The following TEKT5 variants were observed in gnomAD, a reference collection of about 807,000 sequenced individuals.
The protein encoded by TEKT5 is tektin 5.
A neutral mutation model predicts 48.7 loss-of-function variants in TEKT5; 52 were observed. The ratio of observed to expected loss-of-function variants is 1.07; its 90% CI spans 0.86 to 1.35. TEKT5 has a LOEUF of 1.35. Among genes scored for constraint, TEKT5 ranks in the 40% most tolerant of loss-of-function variants. TEKT5 has a pLI of 0.00. For synonymous variants in TEKT5, 318 were observed against 267.6 expected, an observed-to-expected ratio of 1.19 and a Z score of -1.84; for missense variants, 831 against 641.6, an observed-to-expected ratio of 1.30 and a Z score of -3.19.
intron 5 of TEKT5, among the ~76,000 whole-genome samples, chr16:10,656,165 G>T (rs1898258133): frequency 6.6e-6 from 1 of 152,168 alleles, no homozygotes; most frequent in Non-Finnish European, 1.5e-5. Flanking sequence ...CACTTCCAGT[G>T]TGACAACCAA....
intron 5 of TEKT5, among the ~76,000 whole-genome samples, chr16:10,657,083 C>T (rs1328296634): frequency 1.3e-5 from 2 of 150,032 alleles, no homozygotes; most frequent in Non-Finnish European, 3.0e-5. Flanking sequence ...GATTGATGGA[C>T]AATTAGTTGT....
intron 4 of TEKT5, among the ~76,000 whole-genome samples, chr16:10,681,654 G>A (rs1418845695): frequency 6.6e-6 from 1 of 150,624 alleles, no homozygotes; most frequent in Non-Finnish European, 1.5e-5. Context: ...CCCTCACTAA[G>A]CCAATGCCAT....
intron 5 of TEKT5, among the ~76,000 whole-genome samples, chr16:10,661,575 A>G (rs1218476487): frequency 1.3e-5 from 2 of 152,244 alleles, no homozygotes; most frequent in Non-Finnish European, 1.5e-5. Context: ...AAGCTGAGAG[A>G]CAGGAGGACT....
chr16:10,633,756 G>A (rs1422184356), intron 6 of TEKT5, among the ~76,000 whole-genome samples: 4 of 152,048 alleles, frequency 2.6e-5, no homozygotes, highest in African/African-American at 4.8e-5. Flanking sequence ...GTGTTGTCCA[G>A]GCTGGTCTCA....
In TEKT5 at chr16:10,694,639, G is replaced by T. The variant is rs760961833; in HGVS notation, c.235C>A (p.Pro79Thr). ...TSTLRPPTIL[P>T]TLRSALFSRY... ...GAGAAGAGTGCGGAGCGCAGTGTGG[G>T]CAGGATGGTGGGCGGCCGCAGGGTA... The change falls in exon 1 of 7, where the codon CCC becomes ACC. Residue 79 changes from proline to threonine, a missense_variant. By Grantham distance (38) the Pro-to-Thr change is conservative (BLOSUM62 -1). Coordinates refer to ENST00000283025, the MANE Select transcript of TEKT5 (RefSeq NM_144674.2). 1 of 1,612,948 alleles carries T rather than the reference G, an allele frequency of 6.2e-7. No individual in the cohort carries two copies. The highest frequency in any genetic ancestry group is 1.1e-5 in the South Asian group (1 of 90,842).
chr16:10,647,513 C>T (rs1898089354), intron 5 of TEKT5, among the ~76,000 whole-genome samples: 1 of 151,574 alleles, frequency 6.6e-6, no homozygotes, highest in African/African-American at 2.4e-5. Context: ...TGGTACGCGC[C>T]TTCCTGGCCC....
intron 5 of TEKT5, among the ~76,000 whole-genome samples, chr16:10,646,011 T>C (rs186914624): frequency 4.0e-5 from 6 of 151,784 alleles, no homozygotes; most frequent in Non-Finnish European, 8.8e-5. Flanking sequence ...TGCACATCTG[T>C]AATCCCAGCT....
At chr16:10,631,395 C>T (rs1383793618) in intron 6 of TEKT5, among the ~76,000 whole-genome samples, 2 of 150,414 alleles carry the variant, frequency 1.3e-5, no homozygotes, top group African/African-American at 2.5e-5. Context: ...CATGCTGACT[C>T]GAGTTTCGGG....
rs71404408 is a variant in TEKT5, at chr16:10,636,983, A to ATTTTTT, written c.1087-1071_1087-1066dup. Among the ~76,000 whole-genome samples, 23 of 123,756 alleles carry ATTTTTT rather than the reference A, an allele frequency of 1.9e-4. 1 individual carries two copies. Among genetic ancestry groups the ATTTTTT allele is most frequent in the East Asian group, 6.9e-4 (3 of 4,344 alleles). The allele number at this position is 123,756 out of a possible 152,430, so 81.2% of individuals were successfully genotyped here. A position where few individuals can be genotyped will look rare whatever the true frequency, so the allele number is the denominator to read the frequency against. On this transcript the variant is annotated intron_variant, in intron 5 of 6. Transcript: ENST00000283025. Reference sequence around the variant, plus strand: ...AGGCACCTGCTGCCTCACCTGGCTGATTTTTTTTTTTTTTTTTTGACGGAG... The same window carrying ATTTTTT: ...AGGCACCTGCTGCCTCACCTGGCTGATTTTTTTTTTTTTTTTTTTTTTTTGACGGAG...
At chr16:10,656,207 A>C (rs1898259203) in intron 5 of TEKT5, among the ~76,000 whole-genome samples, 1 of 152,148 alleles carries the variant, frequency 6.6e-6, no homozygotes, top group African/African-American at 2.4e-5. Context: ...ACTACCCCCT[A>C]GAGGAAAAAA....
intron 5 of TEKT5, among the ~76,000 whole-genome samples, chr16:10,672,902 G>A (rs969403782): frequency 5.0e-4 from 75 of 151,318 alleles, no homozygotes; most frequent in African/African-American, 1.8e-3. Context: ...GTCCAGGTTG[G>A]ATGGAGTGCA....
intron 3 of TEKT5, among the ~76,000 whole-genome samples, chr16:10,686,358 G>A (rs533125986): frequency 1.4e-4 from 21 of 151,860 alleles, no homozygotes; most frequent in African/African-American, 4.6e-4. Flanking sequence ...TCAGGAGGCC[G>A]AAGCAGGAGA....
intron 3 of TEKT5, among the ~76,000 whole-genome samples, chr16:10,687,107 T>C (rs527762162): frequency 6.6e-6 from 1 of 152,238 alleles, no homozygotes. Context: ...GAGATGGTGG[T>C]CAAAGGGTAC....
At chr16:10,631,102 A>G (rs1897833216) in intron 6 of TEKT5, among the ~76,000 whole-genome samples, 1 of 151,310 alleles carries the variant, frequency 6.6e-6, no homozygotes, top group Admixed American at 6.6e-5. Flanking sequence ...ACACACACAC[A>G]AAAATTAGCG....
At chr16:10,668,676 G>T (rs917657634) in intron 5 of TEKT5, among the ~76,000 whole-genome samples, 3 of 152,174 alleles carry the variant, frequency 2.0e-5, no homozygotes, top group Non-Finnish European at 4.4e-5. Flanking sequence ...AACAATGGCT[G>T]CTTGGGAGTC....
At chr16:10,685,622 C>T (rs1347349221) in intron 3 of TEKT5, among the ~76,000 whole-genome samples, 1 of 151,990 alleles carries the variant, frequency 6.6e-6, no homozygotes, top group African/African-American at 2.4e-5. Context: ...CCATATCTGT[C>T]TCTCTCCTTC....
At chr16:10,684,501 T>C (rs1290429722) in intron 3 of TEKT5, among the ~76,000 whole-genome samples, 1 of 151,828 alleles carries the variant, frequency 6.6e-6, no homozygotes, top group Non-Finnish European at 1.5e-5. Context: ...TTCCCACCTA[T>C]CAGGAAGCTC....
chr16:10,685,751 G>A (rs147911212), intron 3 of TEKT5, among the ~76,000 whole-genome samples: 7 of 152,076 alleles, frequency 4.6e-5, no homozygotes, highest in Non-Finnish European at 1.0e-4. Flanking sequence ...ATCTCTTCAT[G>A]TCTCTGTCTC....
chr16:10,667,880 A>G (rs1428225085), intron 5 of TEKT5, among the ~76,000 whole-genome samples: 6 of 67,408 alleles, frequency 8.9e-5, no homozygotes, highest in Non-Finnish European at 1.3e-4. Context: ...TAAGTTAATA[A>G]TTTTTTTTTT....
Sources: allele counts gnomAD v4.1 joint callset (sites outside exome capture counted in the v4.1 genomes callset), GRCh38; gene constraint gnomAD v4.1.1; transcripts MANE v1.5; gene names NCBI Gene and HGNC (gene_info 2026-07-23, HGNC 2026-07-21).